Variants in ZSWIM6 observed in about 807,000 individuals in gnomAD.
ZSWIM6 encodes zinc finger SWIM domain-containing protein 6.
In ZSWIM6, 9 loss-of-function variants were observed where a neutral mutation model predicts 113.2. The ratio of observed to expected loss-of-function variants is 0.08; its 90% CI spans 0.05 to 0.14. The LOEUF is 0.14. Among genes scored for constraint, ZSWIM6 ranks in the 10% least tolerant of loss-of-function variants. The probability of loss-of-function intolerance (pLI) is 1.00; values close to 1 mark genes in which losing one functional copy is unlikely to be tolerated. For synonymous variants in ZSWIM6, 611 were observed against 606.5 expected (o/e 1.01, Z -0.11); for missense variants, 1,162 against 1,552.2 (o/e 0.75, Z 4.22).
chr5:61,438,729 G>A (rs2112144308), intron 1 of ZSWIM6, among the ~76,000 whole-genome samples: 1 of 152,236 alleles, frequency 6.6e-6, no homozygotes, highest in Middle Eastern at 3.4e-3. Context: ...TTTCTCTGCA[G>A]GGCTCTGTTC....
At chr5:61,436,937 G>A (rs1746720325) in intron 1 of ZSWIM6, among the ~76,000 whole-genome samples, 1 of 152,164 alleles carries the variant, frequency 6.6e-6, no homozygotes, top group Admixed American at 6.5e-5. Context: ...AATCTAATGT[G>A]TTTTGCCTGT....
chr5:61,364,200 A>G (rs927648530), intron 1 of ZSWIM6, among the ~76,000 whole-genome samples: 4 of 151,982 alleles, frequency 2.6e-5, no homozygotes, highest in Non-Finnish European at 5.9e-5. Flanking sequence ...ACGCACCACC[A>G]TGCCCGGCCC....
intron 4 of ZSWIM6, among the ~76,000 whole-genome samples, chr5:61,503,033 A>G (rs527556730): frequency 1.8e-4 from 28 of 152,280 alleles, no homozygotes; most frequent in Non-Finnish European, 3.2e-4. Context: ...TTTTTCCTAT[A>G]TACTTTAGGG....
At chr5:61,398,307 T>C (rs139432677) in intron 1 of ZSWIM6, among the ~76,000 whole-genome samples, 140 of 152,338 alleles carry the variant, frequency 9.2e-4, no homozygotes, top group African/African-American at 3.3e-3. Flanking sequence ...GAACTGTGTA[T>C]GCAAGGGATC....
intron 1 of ZSWIM6, among the ~76,000 whole-genome samples, chr5:61,374,030 T>C (rs1249787871): frequency 6.6e-6 from 1 of 152,246 alleles, no homozygotes; most frequent in African/African-American, 2.4e-5. Flanking sequence ...GTTTCTATCT[T>C]GCCTTTTGCT....
intron 1 of ZSWIM6, among the ~76,000 whole-genome samples, chr5:61,345,431 T>TTTAAGAATGTGGC (rs1272290620): frequency 6.6e-6 from 1 of 152,228 alleles, no homozygotes; most frequent in Non-Finnish European, 1.5e-5. Context: ...CATATATGAA[T>TTTAAGAATGTGGC]TTAAGAATGT....
intron 12 of ZSWIM6, among the ~76,000 whole-genome samples, chr5:61,540,423 C>T (rs1238935450): frequency 1.3e-5 from 2 of 152,150 alleles, no homozygotes; most frequent in Non-Finnish European, 1.5e-5. Flanking sequence ...CATTAAAAAG[C>T]AGTGAACAAA....
intron 1 of ZSWIM6, among the ~76,000 whole-genome samples, chr5:61,438,691 G>A (rs529503451): frequency 6.6e-6 from 1 of 152,296 alleles, no homozygotes; most frequent in African/African-American, 2.4e-5. Context: ...ATGCTGTGGT[G>A]CTGAAATTGA....
intron 1 of ZSWIM6, among the ~76,000 whole-genome samples, chr5:61,431,760 A>G (rs993301207): frequency 2.0e-5 from 3 of 152,168 alleles, no homozygotes; most frequent in Non-Finnish European, 4.4e-5. Flanking sequence ...AAACAAAACA[A>G]AAAAACAAAA....
intron 1 of ZSWIM6, among the ~76,000 whole-genome samples, chr5:61,428,749 T>G (rs1202987391): frequency 6.6e-6 from 1 of 152,210 alleles, no homozygotes; most frequent in Admixed American, 6.5e-5. Flanking sequence ...TCCCATTTCA[T>G]TAGATATCTT....
chr5:61,332,700 G>T lies in ZSWIM6; in HGVS notation c.428G>T (p.Gly143Val). 1 of 979,572 alleles carries T rather than the reference G, an allele frequency of 1.0e-6. No individual in the cohort carries two copies. The allele number at this position is 979,572 out of a possible 1,614,324, so 60.7% of individuals were successfully genotyped here. ...GGCGGCCCCGGCGACGACAGCGGTG[G>T]CGGCGGCGGCGCGGGCGGCGGCGGC... The part of the protein sequence containing the change: ...AAGGPGDDSG[G>V]GGGAGGGGGG... Residue 143 changes from glycine (G) to valine (V), a missense_variant, in exon 1 of 14, where the codon GGC becomes GTC. By Grantham distance (109) the Gly-to-Val change is moderately radical. Around this residue, in one of 4 missense-constraint regions of ZSWIM6, gnomAD observed 333 missense variants for 293.4 expected, o/e 1.13. Transcript: ENST00000252744.
chr5:61,334,350 A>G (rs934395725), intron 1 of ZSWIM6, among the ~76,000 whole-genome samples: 1 of 152,008 alleles, frequency 6.6e-6, no homozygotes, highest in Non-Finnish European at 1.5e-5. Context: ...CAAATGGCAT[A>G]TTTTCTGACC....
chr5:61,392,731 G>C (rs529407127), intron 1 of ZSWIM6, among the ~76,000 whole-genome samples: 1 of 151,896 alleles, frequency 6.6e-6, no homozygotes, highest in South Asian at 2.1e-4. Context: ...TCCTGCCTCA[G>C]CCTCCTGAGT....
At chr5:61,532,433 G>C (rs1011272056) in intron 9 of ZSWIM6, among the ~76,000 whole-genome samples, 2 of 152,122 alleles carry the variant, frequency 1.3e-5, no homozygotes, top group Admixed American at 6.5e-5. Context: ...TGCAAATTTA[G>C]GTGGTGTGTA....
intron 1 of ZSWIM6, among the ~76,000 whole-genome samples, chr5:61,428,314 C>T (rs938514042): frequency 1.7e-4 from 26 of 152,222 alleles, no homozygotes; most frequent in African/African-American, 5.3e-4. Context: ...AACTGAAGTC[C>T]GTGCTCTAGT....
chr5:61,537,148 T>C (rs1300523972), intron 10 of ZSWIM6, among the ~76,000 whole-genome samples: 1 of 152,212 alleles, frequency 6.6e-6, no homozygotes, highest in Non-Finnish European at 1.5e-5. Flanking sequence ...AGTTTCTGTG[T>C]GGTTCTGGCT....
chr5:61,480,323 A>G (rs1017256741), intron 2 of ZSWIM6, among the ~76,000 whole-genome samples: 1 of 152,204 alleles, frequency 6.6e-6, no homozygotes, highest in Non-Finnish European at 1.5e-5. Flanking sequence ...ATAAACCCTG[A>G]CAGGTCTATT....
intron 1 of ZSWIM6, among the ~76,000 whole-genome samples, chr5:61,366,687 C>A (rs907665257): frequency 6.6e-6 from 1 of 152,160 alleles, no homozygotes; most frequent in Non-Finnish European, 1.5e-5. Context: ...AATCTCAGCA[C>A]TTTGGAGGCT....
intron 1 of ZSWIM6, among the ~76,000 whole-genome samples, chr5:61,395,540 C>T (rs1745819610): frequency 6.6e-6 from 1 of 152,060 alleles, no homozygotes; most frequent in Non-Finnish European, 1.5e-5. Context: ...TAAATGAGCA[C>T]AGGGCTATAC....
Sources: allele counts gnomAD v4.1 joint callset (sites outside exome capture counted in the v4.1 genomes callset), GRCh38; gene constraint gnomAD v4.1.1; regional missense constraint gnomAD v4.1.1; transcripts MANE v1.5; gene names NCBI Gene and HGNC (gene_info 2026-07-23, HGNC 2026-07-21).